CALN1: variants seen among roughly 807,000 people sequenced by gnomAD.
CALN1 encodes the protein calcium-binding protein 8.
CALN1 carries 17 observed loss-of-function variants against 30.6 expected under a neutral mutation model. The ratio of observed to expected loss-of-function variants is 0.56; its 90% CI spans 0.38 to 0.83. The LOEUF (loss-of-function observed/expected upper bound fraction) is 0.83, where lower values mean the gene tolerates loss of function less well. Among genes scored for constraint, CALN1 ranks in the 40% least tolerant of loss-of-function variants. CALN1 has a pLI of 0.00. For missense variants in CALN1, 291 were observed against 354.9 expected, an observed-to-expected ratio of 0.82 and a Z score of 1.45; for synonymous variants, 156 against 131.4, an observed-to-expected ratio of 1.19 and a Z score of -1.28.
chr7:72,146,150 G>A (rs1448702470), intron 3 of CALN1, among the ~76,000 whole-genome samples: 5 of 152,100 alleles, frequency 3.3e-5, no homozygotes, highest in South Asian at 2.1e-4. Flanking sequence ...AGAAATAAAG[G>A]GTATTCAATT....
intron 4 of CALN1, among the ~76,000 whole-genome samples, chr7:72,091,258 T>C (rs1307510283): frequency 6.6e-6 from 1 of 152,104 alleles, no homozygotes; most frequent in African/African-American, 2.4e-5. Context: ...CTGGAACTGG[T>C]AGGCAAAGGT....
At chr7:72,233,318 G>A (rs1408591231) in intron 3 of CALN1, among the ~76,000 whole-genome samples, 3 of 152,120 alleles carry the variant, frequency 2.0e-5, no homozygotes, top group South Asian at 2.1e-4. Flanking sequence ...AGCCAAAGGA[G>A]AAGACGGTCT....
intron 5 of CALN1, among the ~76,000 whole-genome samples, chr7:71,904,923 T>C (rs1226510161): frequency 1.3e-5 from 2 of 150,278 alleles, no homozygotes; most frequent in African/African-American, 2.5e-5. Context: ...TTTTGTTGTT[T>C]TTGTTCTTAA....
chr7:72,360,486 CA>C (rs1354344200), intron 2 of CALN1, among the ~76,000 whole-genome samples: 1 of 150,936 alleles, frequency 6.6e-6, no homozygotes, highest in Non-Finnish European at 1.5e-5. Flanking sequence ...TAGATGCATA[CA>C]AAAAAATGGG....
intron 3 of CALN1, among the ~76,000 whole-genome samples, chr7:72,218,179 T>A (rs965322898): frequency 3.3e-5 from 5 of 151,510 alleles, no homozygotes; most frequent in Admixed American, 2.6e-4. Context: ...CCAGGCGCAG[T>A]GGCTCATGCT....
rs569567362 is a variant in CALN1, at chr7:72,288,843, A to C, written c.120-10033T>G. ...ATCTTATTTTTAACCCCTTTTCCCCAAAAATTAGTCAGAATTATTGTTTCT... is the reference window on the plus strand; with the variant it reads ...ATCTTATTTTTAACCCCTTTTCCCCCAAAATTAGTCAGAATTATTGTTTCT... On this transcript the variant is annotated intron_variant, in intron 2 of 6. Transcript: ENST00000395275. Among the ~76,000 whole-genome samples, 8 of 152,286 alleles carry C rather than the reference A, an allele frequency of 5.3e-5. No individual in the cohort carries two copies. In the South Asian group the frequency reaches 1.5e-3, roughly 28 times the overall value.
intron 2 of CALN1, chr7:72,336,675 T>A: frequency 1.0e-6 from 1 of 983,990 alleles, no homozygotes; most frequent in Non-Finnish European, 1.2e-6. Context: ...CGCGCGCGGG[T>A]AAGCTAGGGA....
the CALN1 span, among the ~76,000 whole-genome samples, chr7:72,461,300 T>A: frequency 6.6e-6 from 1 of 152,146 alleles, no homozygotes; most frequent in East Asian, 1.9e-4. Context: ...CCCAATCCCA[T>A]TGCTGGCTGT....
At chr7:71,978,491 G>T (rs1798222094) in intron 5 of CALN1, among the ~76,000 whole-genome samples, 1 of 151,954 alleles carries the variant, frequency 6.6e-6, no homozygotes, top group South Asian at 2.1e-4. Context: ...AGCCAGGATG[G>T]TCTTGATCTC....
At position 72,131,276 on chromosome 7, in the gene CALN1, A is replaced by G. The variant is rs181851986; in HGVS notation, c.245-24982T>C. 2.9e-3 allele frequency among the ~76,000 whole-genome samples: 442 copies of G among 152,272 alleles called. 2 individuals carry two copies. Among genetic ancestry groups the G allele is most frequent in the Non-Finnish European group, 5.3e-3 (361 of 68,026 alleles). ...TTCAGCGGGGATGTACAAGATCCTT[A>G]AAGATGAATGGTAATTGGATTCAAG... On this transcript the variant is annotated intron_variant, in intron 3 of 6. Transcript: ENST00000395275.
intron 2 of CALN1, among the ~76,000 whole-genome samples, chr7:72,375,605 C>G (rs570902858): frequency 6.6e-6 from 1 of 151,154 alleles, no homozygotes; most frequent in Admixed American, 6.6e-5. Context: ...ATAAAAGAAT[C>G]TGCTTTCAAA....
At chr7:72,145,387 C>T (rs1015748116) in intron 3 of CALN1, among the ~76,000 whole-genome samples, 6 of 152,178 alleles carry the variant, frequency 3.9e-5, no homozygotes, top group African/African-American at 1.4e-4. Flanking sequence ...TCGATAAATT[C>T]CTTGACACAT....
At chr7:72,326,878 A>T (rs1195249387) in intron 2 of CALN1, among the ~76,000 whole-genome samples, 1 of 152,194 alleles carries the variant, frequency 6.6e-6, no homozygotes, top group Non-Finnish European at 1.5e-5. Flanking sequence ...GAGTCTCCCC[A>T]TCTGTCAAAT....
chr7:72,367,359 C>A (rs1458997848), intron 2 of CALN1, among the ~76,000 whole-genome samples: 1 of 151,986 alleles, frequency 6.6e-6, no homozygotes, highest in African/African-American at 2.4e-5. Flanking sequence ...TTGGCATGCA[C>A]CTGTACTCCC....
chr7:72,328,957 A>G (rs1310244142), intron 2 of CALN1, among the ~76,000 whole-genome samples: 1 of 152,264 alleles, frequency 6.6e-6, no homozygotes, highest in African/African-American at 2.4e-5. Flanking sequence ...TCGGCCTCCC[A>G]AAGTGCTGGG....
rs537997797 is a variant in CALN1 at position 72,193,022 on chromosome 7, T to G, written c.244+85664A>C. On this transcript the variant is annotated intron_variant, in intron 3 of 6. Coordinates refer to ENST00000395275, the MANE Select transcript of CALN1 (RefSeq NM_031468.4). ...GGCCAACATGGCAAAATCCCATCTC[T>G]GCTAAAATTACAAAAATTAGCCGGG... 2.6e-5 allele frequency among the ~76,000 whole-genome samples: 4 copies of G among 151,884 alleles called. No homozygotes were observed. The South Asian group carries it at 6.2e-4, about 24-fold the overall frequency.
intron 5 of CALN1, among the ~76,000 whole-genome samples, chr7:71,916,549 CTCA>C (rs1794698269): frequency 1.3e-5 from 2 of 152,078 alleles, no homozygotes; most frequent in African/African-American, 4.8e-5. Context: ...GGCCATTATC[CTCA>C]GCAAACTAAT....
chr7:72,038,206 C>A (rs909757056), intron 4 of CALN1, among the ~76,000 whole-genome samples: 1 of 152,074 alleles, frequency 6.6e-6, no homozygotes, highest in African/African-American at 2.4e-5. Context: ...GGAATGCATA[C>A]ACAGCTTCCT....
chr7:72,487,952 A>AG, the CALN1 span, among the ~76,000 whole-genome samples: 1 of 74,154 alleles, frequency 1.3e-5, no homozygotes, highest in Non-Finnish European at 2.7e-5. Context: ...GAAGGAAGGA[A>AG]GGAAAGGAAG....
Sources: allele counts gnomAD v4.1 joint callset (sites outside exome capture counted in the v4.1 genomes callset), GRCh38; gene constraint gnomAD v4.1.1; transcripts MANE v1.5; gene names NCBI Gene and HGNC (gene_info 2026-07-23, HGNC 2026-07-21).